AFF3: variants seen among roughly 807,000 people sequenced by gnomAD.
AFF3 encodes ALF transcription elongation factor 3.
AFF3 carries 32 observed loss-of-function variants against 129.7 expected under a neutral mutation model. That is an observed-to-expected ratio of 0.25 (90% CI 0.19 to 0.33). The LOEUF (loss-of-function observed/expected upper bound fraction) is 0.33, where lower values mean the gene tolerates loss of function less well. AFF3 is among the 10% of genes least tolerant of loss of function. The pLI, the probability that AFF3 is intolerant of heterozygous loss-of-function variation, is 1.00. For missense variants in AFF3, 1,373 were observed against 1,592.0 expected, an observed-to-expected ratio of 0.86 and a Z score of 2.34; for synonymous variants, 644 against 635.4, an observed-to-expected ratio of 1.01 and a Z score of -0.20.
chr2:99,559,465 A>C (rs1265638150), intron 21 of AFF3, among the ~76,000 whole-genome samples: 1 of 152,222 alleles, frequency 6.6e-6, no homozygotes, highest in East Asian at 1.9e-4. Flanking sequence ...CATCATTATA[A>C]ACAACAAAAA....
At chr2:100,077,490 C>A (rs925820985) in intron 4 of AFF3, among the ~76,000 whole-genome samples, 4 of 152,116 alleles carry the variant, frequency 2.6e-5, no homozygotes, top group African/African-American at 9.7e-5. Context: ...CACAGGCCTG[C>A]CAACACCTTG....
chr2:99,809,309 C>A (rs887175923), intron 8 of AFF3, among the ~76,000 whole-genome samples: 1 of 152,214 alleles, frequency 6.6e-6, no homozygotes, highest in Non-Finnish European at 1.5e-5. Context: ...TACAGAGGCA[C>A]CCAGCTCTCA....
chr2:99,596,920 C>T (rs1455609393), intron 14 of AFF3, among the ~76,000 whole-genome samples: 1 of 152,190 alleles, frequency 6.6e-6, no homozygotes, highest in Non-Finnish European at 1.5e-5. Flanking sequence ...CTACAATAAC[C>T]TCCTATTGCC....
intron 8 of AFF3, among the ~76,000 whole-genome samples, chr2:99,823,899 T>C (rs1687874561): frequency 6.6e-6 from 1 of 152,060 alleles, no homozygotes; most frequent in Non-Finnish European, 1.5e-5. Flanking sequence ...TGCTAGACAC[T>C]GACTACACAG....
intron 4 of AFF3, among the ~76,000 whole-genome samples, chr2:100,023,604 C>G (rs2104890683): frequency 6.6e-6 from 1 of 152,160 alleles, no homozygotes; most frequent in Middle Eastern, 3.4e-3. Context: ...TTCCAAGGAG[C>G]CCCCTCTACC....
intron 7 of AFF3, among the ~76,000 whole-genome samples, chr2:99,842,104 G>T (rs545716766): frequency 6.6e-6 from 1 of 152,164 alleles, no homozygotes; most frequent in African/African-American, 2.4e-5. Flanking sequence ...AAAATAAGGG[G>T]TAAGGGTTTG....
At chr2:100,103,117 T>C (rs1482992104) in intron 4 of AFF3, among the ~76,000 whole-genome samples, 2 of 152,250 alleles carry the variant, frequency 1.3e-5, no homozygotes, top group Non-Finnish European at 2.9e-5. Flanking sequence ...TGTGCTAGCT[T>C]TGTGTCCAGT....
intron 7 of AFF3, among the ~76,000 whole-genome samples, chr2:99,983,185 T>G (rs1011417679): frequency 1.1e-4 from 17 of 152,218 alleles, no homozygotes; most frequent in African/African-American, 4.1e-4. Flanking sequence ...TGTGATTAAT[T>G]CAAAGTTTTC....
chr2:99,578,788 C>G (rs1338596602), intron 17 of AFF3, among the ~76,000 whole-genome samples: 12 of 152,128 alleles, frequency 7.9e-5, no homozygotes, highest in Admixed American at 7.9e-4. Flanking sequence ...GTTTAGATGC[C>G]CACTTTTCCC....
intron 7 of AFF3, among the ~76,000 whole-genome samples, chr2:99,852,724 T>C (rs1690239919): frequency 6.6e-6 from 1 of 152,152 alleles, no homozygotes; most frequent in Admixed American, 6.5e-5. Context: ...AAGTAAATAG[T>C]GTGATGTAAA....
chr2:99,926,803 T>C (rs1288183952), intron 7 of AFF3, among the ~76,000 whole-genome samples: 1 of 152,324 alleles, frequency 6.6e-6, no homozygotes, highest in African/African-American at 2.4e-5. Context: ...TGTTGACCTC[T>C]TTCTGGAAGC....
intron 11 of AFF3, among the ~76,000 whole-genome samples, chr2:99,690,660 G>A (rs922010969): frequency 6.6e-6 from 1 of 152,050 alleles, no homozygotes; most frequent in Admixed American, 6.6e-5. Flanking sequence ...GCAAGAATGA[G>A]TGAACATGTA....
At chr2:99,603,849 A>C (rs1680075541) in intron 13 of AFF3, among the ~76,000 whole-genome samples, 1 of 152,228 alleles carries the variant, frequency 6.6e-6, no homozygotes, top group Middle Eastern at 3.2e-3. Flanking sequence ...GAAGACATAC[A>C]TGTGGCCAAA....
intron 1 of AFF3, among the ~76,000 whole-genome samples, chr2:100,138,666 G>A (rs1034522963): frequency 4.6e-5 from 7 of 152,164 alleles, no homozygotes; most frequent in Admixed American, 2.6e-4. Context: ...CCAGTAGGCC[G>A]GGTGCAGTGG....
intron 8 of AFF3, among the ~76,000 whole-genome samples, chr2:99,808,001 C>T (rs868636518): frequency 5.4e-4 from 83 of 152,298 alleles, no homozygotes; most frequent in African/African-American, 1.9e-3. Flanking sequence ...GTGTGTTCAG[C>T]CATACCCATC....
intron 10 of AFF3, among the ~76,000 whole-genome samples, chr2:99,731,344 T>C (rs1679817298): frequency 6.6e-6 from 1 of 152,186 alleles, no homozygotes; most frequent in South Asian, 2.1e-4. Flanking sequence ...TATTTAATAG[T>C]CTCCCCTCCC....
At position 99,689,340 on chromosome 2, in the gene AFF3, G is replaced by A. The variant is rs142953203; in HGVS notation, c.1092-16751C>T. ...TAACTCAATACTGGAATGATGCAAAGTCTTTATAGTTCCACTTCTCTGAGT... is the reference window on the plus strand; with the variant it reads ...TAACTCAATACTGGAATGATGCAAAATCTTTATAGTTCCACTTCTCTGAGT... On this transcript the variant is annotated intron_variant, in intron 11 of 24. Transcript: ENST00000672756. Among the ~76,000 whole-genome samples, 180 of 152,214 alleles carry A rather than the reference G, an allele frequency of 1.2e-3. 2 individuals are homozygous for A. In the East Asian group the frequency reaches 0.027, roughly 23 times the overall value.
chr2:99,601,720 A>T, intron 13 of AFF3, 99 bp from the exon 14 acceptor site: 1 of 1,381,640 alleles, frequency 7.2e-7, no homozygotes, highest in Non-Finnish European at 9.7e-7. Flanking sequence ...AAGAGGGAGG[A>T]GGCACGCAGC....
intron 13 of AFF3, among the ~76,000 whole-genome samples, chr2:99,626,692 T>C (rs62154518): frequency 0.13 from 19,582 of 152,076 alleles, 1,394 homozygotes; most frequent in Admixed American, 0.19. Flanking sequence ...AAGCCTGTTA[T>C]CCATTAGTTA....
Sources: allele counts gnomAD v4.1 joint callset (sites outside exome capture counted in the v4.1 genomes callset), GRCh38; gene constraint gnomAD v4.1.1; transcripts MANE v1.5; gene names NCBI Gene and HGNC (gene_info 2026-07-23, HGNC 2026-07-21).